Variants in GSG1L observed in about 807,000 individuals in gnomAD.
GSG1L encodes germ cell-specific gene 1-like protein.
A neutral mutation model predicts 42.1 loss-of-function variants in GSG1L; 24 were observed. The ratio of observed to expected loss-of-function variants is 0.57; its 90% CI spans 0.41 to 0.80. The LOEUF is 0.80. Among genes scored for constraint, GSG1L ranks in the 30% least tolerant of loss-of-function variants. GSG1L has a pLI of 0.00. For missense variants in GSG1L, 445 were observed against 472.2 expected (o/e 0.94, Z 0.53); for synonymous variants, 215 against 203.5 (o/e 1.06, Z -0.48).
chr16:27,876,904 G>A (rs2083894831), intron 3 of GSG1L, among the ~76,000 whole-genome samples: 1 of 152,214 alleles, frequency 6.6e-6, no homozygotes, highest in Non-Finnish European at 1.5e-5. Flanking sequence ...GATGCTTGCT[G>A]ATTTCTCCAC....
intron 4 of GSG1L, among the ~76,000 whole-genome samples, chr16:27,843,739 A>G (rs1055577003): frequency 2.6e-5 from 4 of 151,970 alleles, no homozygotes; most frequent in African/African-American, 4.8e-5. Flanking sequence ...TATTCCATCC[A>G]CTCACCATTT....
At chr16:27,807,310 G>A (rs575823015) in intron 6 of GSG1L, among the ~76,000 whole-genome samples, 177 bp downstream of exon 6, 6 of 152,244 alleles carry the variant, frequency 3.9e-5, no homozygotes, top group African/African-American at 9.6e-5. Flanking sequence ...GGAGAGCTGC[G>A]TGCAGGGGCT....
At chr16:27,821,847 T>C (rs776542962) in intron 5 of GSG1L, among the ~76,000 whole-genome samples, 9 of 152,092 alleles carry the variant, frequency 5.9e-5, no homozygotes, top group Non-Finnish European at 1.0e-4. Context: ...GAGCTTGCAG[T>C]GAGCAGAGAT....
rs938351105 is a variant in GSG1L at position 27,789,533 on chromosome 16, A to T, written c.*1837T>A. 2 of 151,930 alleles carry T rather than the reference A, an allele frequency of 1.3e-5. No homozygotes were observed. Among genetic ancestry groups the T allele is most frequent in the Admixed American group, 1.3e-4 (2 of 15,258 alleles). 9.4% of individuals were successfully genotyped at this position (151,930 alleles called of 1,614,324 possible). A position where few individuals can be genotyped will look rare whatever the true frequency, so the allele number is the denominator to read the frequency against. ...AAGATGATGGATGATGGATGGAAGG[A>T]TAAATAATGGATAAATGAAGAAATG... On this transcript the variant is annotated 3_prime_UTR_variant, in exon 7 of 7. Coordinates refer to ENST00000447459, the MANE Select transcript of GSG1L (RefSeq NM_001109763.2).
intron 3 of GSG1L, among the ~76,000 whole-genome samples, chr16:27,880,078 C>G (rs895971629): frequency 3.3e-5 from 5 of 152,180 alleles, no homozygotes; most frequent in African/African-American, 7.2e-5. Context: ...CTGCCCAAGC[C>G]TGCCTGCCAG....
intron 2 of GSG1L, among the ~76,000 whole-genome samples, chr16:27,908,026 T>A (rs1472152139): frequency 6.6e-6 from 1 of 152,244 alleles, no homozygotes; most frequent in East Asian, 1.9e-4. Flanking sequence ...TCACCCTTCC[T>A]GTGTCTGTAC....
At chr16:28,010,393 G>T (rs192965405) in intron 1 of GSG1L, among the ~76,000 whole-genome samples, 62 of 152,274 alleles carry the variant, frequency 4.1e-4, no homozygotes, top group African/African-American at 1.1e-3. Flanking sequence ...CATGCACTGT[G>T]GGGGGATTTT....
intron 2 of GSG1L, among the ~76,000 whole-genome samples, chr16:27,928,284 G>C (rs1051076374): frequency 2.0e-5 from 3 of 152,132 alleles, no homozygotes; most frequent in Non-Finnish European, 4.4e-5. Context: ...CCAGAGTGTA[G>C]ATTCCAGCCC....
At chr16:27,893,395 A>G (rs2084152014) in intron 2 of GSG1L, among the ~76,000 whole-genome samples, 1 of 152,146 alleles carries the variant, frequency 6.6e-6, no homozygotes, top group South Asian at 2.1e-4. Context: ...GCTGTGTGAC[A>G]TTGAGTGGTC....
chr16:28,015,113 A>C (rs1440861392), intron 1 of GSG1L, among the ~76,000 whole-genome samples: 2 of 152,260 alleles, frequency 1.3e-5, no homozygotes, highest in Admixed American at 1.3e-4. Context: ...TCTTAAAGGC[A>C]GAGAGTGCCT....
intron 2 of GSG1L, among the ~76,000 whole-genome samples, chr16:27,895,836 T>A (rs780947278): frequency 1.3e-5 from 2 of 152,174 alleles, no homozygotes; most frequent in East Asian, 3.8e-4. Context: ...TTTAGTGGGA[T>A]GGGCAAAAAG....
At chr16:28,046,907 G>A (rs1414662048) in intron 1 of GSG1L, among the ~76,000 whole-genome samples, 2 of 152,188 alleles carry the variant, frequency 1.3e-5, no homozygotes, top group African/African-American at 4.8e-5. Flanking sequence ...CTCAGAGAGG[G>A]AAAAGTTTGC....
intron 2 of GSG1L, among the ~76,000 whole-genome samples, chr16:27,891,445 C>CT (rs11464819): frequency 0.17 from 25,347 of 151,784 alleles, 3,184 homozygotes; most frequent in African/African-American, 0.31. Context: ...TACTGTGTAA[C>CT]TTTTTTTTAT....
At chr16:27,931,446 C>G (rs1162850552) in intron 2 of GSG1L, among the ~76,000 whole-genome samples, 2 of 152,206 alleles carry the variant, frequency 1.3e-5, no homozygotes, top group Non-Finnish European at 2.9e-5. Flanking sequence ...GGAGCAAAAA[C>G]TCAAACCAGA....
intron 3 of GSG1L, among the ~76,000 whole-genome samples, chr16:27,852,512 A>C (rs957397578): frequency 2.0e-5 from 3 of 151,970 alleles, no homozygotes; most frequent in Non-Finnish European, 4.4e-5. Flanking sequence ...ATGATATAGC[A>C]GCTGAGAGTG....
chr16:28,044,287 G>T (rs1361125756), intron 1 of GSG1L, among the ~76,000 whole-genome samples: 1 of 150,004 alleles, frequency 6.7e-6, no homozygotes, highest in Non-Finnish European at 1.5e-5. Context: ...CAAAGCAGGA[G>T]GATGGGAAAG....
intron 1 of GSG1L, among the ~76,000 whole-genome samples, chr16:27,979,694 G>GAGAGAGAGAGAGAGA (rs1567542859): frequency 7.2e-5 from 2 of 27,954 alleles, no homozygotes; most frequent in African/African-American, 4.0e-4. Flanking sequence ...AAAGAAGGAA[G>GAGAGAGAGAGAGAGA]GAAGGAAGGA....
chr16:27,872,832 G>C (rs1378017868), intron 3 of GSG1L, among the ~76,000 whole-genome samples: 1 of 152,136 alleles, frequency 6.6e-6, no homozygotes, highest in Non-Finnish European at 1.5e-5. Flanking sequence ...AGGGGGAGGA[G>C]CCCTCAGTTC....
chr16:27,807,359 AACGTG>A lies in GSG1L; in HGVS notation c.898+123_898+127del. The A allele has an allele frequency of 5.8e-6, 4 of 692,776 alleles. No homozygotes were observed. In the East Asian group the frequency reaches 1.1e-4, roughly 19 times the overall value. The allele number at this position is 692,776 out of a possible 1,614,324, so 42.9% of individuals were successfully genotyped here. A position where few individuals can be genotyped will look rare whatever the true frequency, so the allele number is the denominator to read the frequency against. Reference sequence around the variant, plus strand: ...CACCAGACTCAGTTTCCTCATCTGTAACGTGTTTGTGGGAGAATGCAGGGTGCAGT... The same window carrying A: ...CACCAGACTCAGTTTCCTCATCTGTATTTGTGGGAGAATGCAGGGTGCAGT... On this transcript the variant is annotated intron_variant, in intron 6 of 6. Coordinates refer to ENST00000447459, the MANE Select transcript of GSG1L (RefSeq NM_001109763.2).
Sources: allele counts gnomAD v4.1 joint callset (sites outside exome capture counted in the v4.1 genomes callset), GRCh38; gene constraint gnomAD v4.1.1; transcripts MANE v1.5; gene names NCBI Gene and HGNC (gene_info 2026-07-23, HGNC 2026-07-21).